The following MYO10 variants were observed in gnomAD, a reference collection of about 807,000 sequenced individuals.
MYO10 encodes the protein myosin X.
In MYO10, 133 loss-of-function variants were observed where a neutral mutation model predicts 257.3. The ratio of observed to expected loss-of-function variants is 0.52; its 90% confidence interval spans 0.45 to 0.60. MYO10 has a LOEUF of 0.60. MYO10 is among the 20% of genes least tolerant of loss of function. The pLI is 0.00. For missense variants in MYO10, 2,399 were observed against 2,635.7 expected (o/e 0.91, Z 1.97); for synonymous variants, 1,104 against 1,028.6 (o/e 1.07, Z -1.40).
At chr5:16,744,438 G>A (rs888522362) in intron 19 of MYO10, among the ~76,000 whole-genome samples, 4 of 152,134 alleles carry the variant, frequency 2.6e-5, no homozygotes, top group African/African-American at 9.7e-5. Flanking sequence ...CTATTGTATC[G>A]GTGGCTTCAT....
At chr5:16,852,129 A>G (rs1312722604) in intron 2 of MYO10, among the ~76,000 whole-genome samples, 1 of 143,746 alleles carries the variant, frequency 7.0e-6, no homozygotes, top group East Asian at 2.3e-4. Flanking sequence ...AAGGGAGGGA[A>G]GGAGGGAGGG....
At chr5:16,857,687 G>A (rs763947712) in intron 2 of MYO10, among the ~76,000 whole-genome samples, 1 of 152,188 alleles carries the variant, frequency 6.6e-6, no homozygotes, top group South Asian at 2.1e-4. Flanking sequence ...CAGGTAGCAA[G>A]AAACATGAGT....
In MYO10 at chr5:16,670,709, C is replaced by T; in HGVS notation, c.5700G>A (p.Arg1900=). 1.2e-6 allele frequency: 2 copies of T among 1,614,032 alleles called. No individual in the cohort carries two copies. Among genetic ancestry groups the T allele is most frequent in the Non-Finnish European group, 1.7e-6 (2 of 1,179,896 alleles). Residue 1900 remains arginine, a synonymous_variant, in exon 39 of 41, where the codon CGG becomes CGA. Coordinates refer to ENST00000513610, the MANE Select transcript of MYO10 (RefSeq NM_012334.3). ...GCATCTGCTCCTCCTCGACCTTCTGCCGGACCACGGATCCTGTCCGGAAGC... is the reference window on the plus strand; with the variant it reads ...GCATCTGCTCCTCCTCGACCTTCTGTCGGACCACGGATCCTGTCCGGAAGC... ...RRSFRTGSVV[R]QKVEEEQMLD... is the part of the protein sequence containing the mutation.
intron 1 of MYO10, among the ~76,000 whole-genome samples, chr5:16,896,732 C>T (rs1035903387): frequency 3.9e-5 from 6 of 152,166 alleles, no homozygotes; most frequent in African/African-American, 1.4e-4. Context: ...TTAGCAGCCC[C>T]CCCAGGATTC....
At chr5:16,734,471 G>A (rs1459712136) in intron 19 of MYO10, among the ~76,000 whole-genome samples, 1 of 151,994 alleles carries the variant, frequency 6.6e-6, no homozygotes, top group Non-Finnish European at 1.5e-5. Context: ...GTTTTTTGCT[G>A]GGAGAGCCAC....
At chr5:16,705,604 T>G (rs910019695) in intron 21 of MYO10, among the ~76,000 whole-genome samples, 3 of 152,204 alleles carry the variant, frequency 2.0e-5, no homozygotes, top group Admixed American at 6.5e-5. Flanking sequence ...TCCACACAGA[T>G]GCATTTTGGT....
chr5:16,835,810 T>TAA (rs34486163), intron 2 of MYO10, among the ~76,000 whole-genome samples: 69,895 of 146,570 alleles, frequency 0.48, 16,539 homozygotes, highest in East Asian at 0.55. Flanking sequence ...CAAAAGTCTT[T>TAA]AAAAAAAAAA....
At chr5:16,675,995 G>A (rs755191907) in intron 34 of MYO10, 36 bp downstream of exon 34, 14 of 1,577,016 alleles carry the variant, frequency 8.9e-6, no homozygotes, top group Non-Finnish European at 1.1e-5. Context: ...GTGGAATCAT[G>A]GTCTCTGAGG....
chr5:16,727,197 T>A (rs142817689), intron 19 of MYO10, among the ~76,000 whole-genome samples: 4 of 152,048 alleles, frequency 2.6e-5, no homozygotes, highest in Non-Finnish European at 4.4e-5. Context: ...AAAAAACAAT[T>A]TTTTTTTACA....
At chr5:16,713,235 G>T (rs1026470203) in intron 19 of MYO10, 1 of 842,274 alleles carries the variant, frequency 1.2e-6, no homozygotes, top group Non-Finnish European at 1.4e-6. Flanking sequence ...ATAGAACAAA[G>T]TCTGTACAAT....
chr5:16,927,067 G>A (rs921254853), intron 1 of MYO10, among the ~76,000 whole-genome samples: 3 of 152,160 alleles, frequency 2.0e-5, no homozygotes, highest in Non-Finnish European at 2.9e-5. Flanking sequence ...CAATTTGTAA[G>A]CATGGTTTAT....
intron 19 of MYO10, among the ~76,000 whole-genome samples, chr5:16,717,389 C>T (rs924598292): frequency 2.0e-5 from 3 of 152,180 alleles, no homozygotes; most frequent in African/African-American, 7.2e-5. Flanking sequence ...AGTGGCAATC[C>T]GTCTTCTGGA....
chr5:16,769,811 T>G (rs1281981830), intron 9 of MYO10, among the ~76,000 whole-genome samples: 1 of 152,294 alleles, frequency 6.6e-6, no homozygotes, highest in African/African-American at 2.4e-5. Flanking sequence ...GTCACAGTCA[T>G]GACAACAATA....
rs1736016360 is a variant in MYO10, at chr5:16,662,350, GTCT to G, written c.*4339_*4341del. 2.3e-5 allele frequency: 1 copy of G among 42,886 alleles called. No individual in the cohort carries two copies. The highest frequency in any genetic ancestry group is 8.2e-5 in the African/African-American group (1 of 12,182). 2.7% of individuals were successfully genotyped at this position (42,886 alleles called of 1,614,324 possible). Reference sequence around the variant, plus strand: ...TTTTTTTTTTTTTTTTGGAGACAGAGTCTTGCTCTGTCACCCACACCAGAATGC... The same window carrying G: ...TTTTTTTTTTTTTTTTGGAGACAGAGTGCTCTGTCACCCACACCAGAATGC... On this transcript the variant is annotated 3_prime_UTR_variant, in exon 41 of 41. Coordinates refer to ENST00000513610, the MANE Select transcript of MYO10 (RefSeq NM_012334.3).
chr5:16,753,440 T>TAC (rs1304250688), intron 19 of MYO10, among the ~76,000 whole-genome samples: 2 of 151,300 alleles, frequency 1.3e-5, no homozygotes, highest in Non-Finnish European at 2.9e-5. Flanking sequence ...GTGCTGGGAT[T>TAC]ACAGGCGTGA....
intron 3 of MYO10, among the ~76,000 whole-genome samples, chr5:16,795,624 G>A (rs1179675461): frequency 6.6e-6 from 1 of 151,958 alleles, no homozygotes; most frequent in Non-Finnish European, 1.5e-5. Context: ...GAAGTGGTTG[G>A]TACTTGTGGA....
rs529301917 is a variant in MYO10, at chr5:16,663,038, G to T, written c.*3654C>A. Reference sequence around the variant, plus strand: ...GATGGCCTTATCCTGTTTTTCCACAGAGCTATCTGAGGTACTATATAATCA... The same window carrying T: ...GATGGCCTTATCCTGTTTTTCCACATAGCTATCTGAGGTACTATATAATCA... On this transcript the variant is annotated 3_prime_UTR_variant, in exon 41 of 41. Coordinates refer to ENST00000513610, the MANE Select transcript of MYO10 (RefSeq NM_012334.3). 6.6e-6 allele frequency: 1 copy of T among 152,300 alleles called. No homozygotes were observed. Among genetic ancestry groups the T allele is most frequent in the Non-Finnish European group, 1.5e-5 (1 of 68,028 alleles). The allele number at this position is 152,300 out of a possible 1,614,324, so 9.4% of individuals were successfully genotyped here. A position where few individuals can be genotyped will look rare whatever the true frequency, so the allele number is the denominator to read the frequency against.
intron 34 of MYO10, 21 bp downstream of exon 34, chr5:16,676,010 G>C (rs751820533): frequency 4.4e-6 from 7 of 1,595,344 alleles, no homozygotes; most frequent in Non-Finnish European, 5.1e-6. Flanking sequence ...CTGAGGAGTC[G>C]GGGTGGAGCT....
chr5:16,788,136 C>G (rs1741645424), intron 4 of MYO10, among the ~76,000 whole-genome samples: 1 of 152,010 alleles, frequency 6.6e-6, no homozygotes, highest in Admixed American at 6.6e-5. Context: ...AGAAAGGAGG[C>G]AAGAGAAGAA....
Sources: allele counts gnomAD v4.1 joint callset (sites outside exome capture counted in the v4.1 genomes callset), GRCh38; gene constraint gnomAD v4.1.1; transcripts MANE v1.5; gene names NCBI Gene and HGNC (gene_info 2026-07-23, HGNC 2026-07-21).